The following SNX8 variants were observed in gnomAD, a reference collection of about 807,000 sequenced individuals.
The protein encoded by SNX8 is sorting nexin 8.
SNX8 carries 25 observed loss-of-function variants against 51.6 expected under a neutral mutation model. The ratio of observed to expected loss-of-function variants is 0.48; its 90% CI spans 0.35 to 0.68. The LOEUF (loss-of-function observed/expected upper bound fraction) is 0.68, where lower values mean the gene tolerates loss of function less well. Among genes scored for constraint, SNX8 ranks in the 30% least tolerant of loss-of-function variants. The pLI is 0.00. For synonymous variants in SNX8, 324 were observed against 277.0 expected (o/e 1.17, Z -1.68); for missense variants, 695 against 624.0 (o/e 1.11, Z -1.21).
rs1033940666 is a variant in SNX8 at position 2,335,754 on chromosome 7, G to C, written c.-66+18468C>G. On this transcript the variant is annotated intron_variant, in intron 1 of 5. Coordinates refer to the SNX8 transcript ENST00000435336. ...GGAGGCGGAGCTTGCGGTGAGCCGAGACCGCGGCACTGCACTCCAGCCTGG... is the reference window on the plus strand; with the variant it reads ...GGAGGCGGAGCTTGCGGTGAGCCGACACCGCGGCACTGCACTCCAGCCTGG... 2.2e-5 allele frequency among the ~76,000 whole-genome samples: 3 copies of C among 134,012 alleles called. No individual in the cohort carries two copies. The East Asian group carries it at 6.7e-4, about 30-fold the overall frequency. The allele number at this position is 134,012 out of a possible 152,430, so 87.9% of individuals were successfully genotyped here.
intron 1 of SNX8, among the ~76,000 whole-genome samples, chr7:2,298,008 C>A (rs967349739): frequency 1.3e-5 from 2 of 151,956 alleles, no homozygotes; most frequent in Admixed American, 1.3e-4. Context: ...TAACCAAAAA[C>A]CAGCCCTAAA....
chr7:2,338,147 G>A lies in SNX8; in HGVS notation c.-66+16075C>T, dbSNP rs187101475. Among the ~76,000 whole-genome samples the A allele has an allele frequency of 3.2e-3, 484 of 152,046 alleles. 2 individuals are homozygous for A. The highest frequency in any genetic ancestry group is 5.6e-3 in the Non-Finnish European group (378 of 67,988). On this transcript the variant is annotated intron_variant, in intron 1 of 5. Coordinates refer to the SNX8 transcript ENST00000435336. Reference sequence around the variant, plus strand: ...TTGAGACCAGTCTGGGCAATATGGCGAAACCCCATCTCTACTAAAAAATAC... The same window carrying A: ...TTGAGACCAGTCTGGGCAATATGGCAAAACCCCATCTCTACTAAAAAATAC...
At chr7:2,290,164 G>A (rs574842313) in intron 1 of SNX8, among the ~76,000 whole-genome samples, 1 of 152,090 alleles carries the variant, frequency 6.6e-6, no homozygotes, top group South Asian at 2.1e-4. Context: ...CGGCCCTCCA[G>A]CCTGGCGACA....
chr7:2,255,081 G>A lies in SNX8; in HGVS notation c.1373C>T (p.Pro458Leu), dbSNP rs754455290. The change falls in exon 11 of 11, where the codon CCG becomes CTG. Residue 458 changes from proline to leucine, a missense_variant. Physicochemically the swap from Pro to Leu is moderately conservative, Grantham distance 98. Coordinates refer to ENST00000222990, the MANE Select transcript of SNX8 (RefSeq NM_013321.4). The stretch of plus-strand genomic sequence containing the variant: ...CTAGTGAGGACACAGGCCGTCCTCC[G>A]GCGGGGAGCACGGTGGGGTCAGGGT... ...HSTLTPPCSP[P>L]EDGLCPH The A allele has an allele frequency of 1.6e-5, 26 of 1,576,938 alleles. No homozygotes were observed. The highest frequency in any genetic ancestry group is 1.7e-4 in the Middle Eastern group (1 of 6,000).
chr7:2,262,392 T>A (rs1298700792), intron 7 of SNX8, among the ~76,000 whole-genome samples: 2 of 152,160 alleles, frequency 1.3e-5, no homozygotes, highest in Non-Finnish European at 2.9e-5. Flanking sequence ...TCCAGTGTGA[T>A]AGTAAACACC....
intron 1 of SNX8, among the ~76,000 whole-genome samples, chr7:2,288,908 G>A (rs575520591): frequency 2.6e-5 from 4 of 152,138 alleles, no homozygotes; most frequent in African/African-American, 7.2e-5. Flanking sequence ...GCTAATTTTC[G>A]TTATTTTTTG....
intron 1 of SNX8, among the ~76,000 whole-genome samples, chr7:2,330,840 T>A (rs1369719621): frequency 6.6e-6 from 1 of 152,006 alleles, no homozygotes; most frequent in Non-Finnish European, 1.5e-5. Context: ...AAGAAAAGAA[T>A]GCATATGGAT....
intron 3 of SNX8, 114 bp downstream of exon 3, chr7:2,274,998 G>A (rs1481251710): frequency 3.8e-5 from 28 of 738,438 alleles, no homozygotes; most frequent in South Asian, 1.6e-4. Flanking sequence ...AGTTTCCCCC[G>A]CAGCCCTGCA....
intron 1 of SNX8, among the ~76,000 whole-genome samples, chr7:2,294,721 T>G (rs1414063625): frequency 6.6e-6 from 1 of 152,152 alleles, no homozygotes; most frequent in Non-Finnish European, 1.5e-5. Flanking sequence ...TTCACCCCTC[T>G]GCACTCCGAG....
chr7:2,321,664 T>C (rs1328352950), intron 1 of SNX8, among the ~76,000 whole-genome samples: 16 of 148,370 alleles, frequency 1.1e-4, no homozygotes, highest in Admixed American at 1.0e-3. Flanking sequence ...TCCGCCCTCC[T>C]CGGCCTCCCA....
At position 2,254,639 on chromosome 7, in the gene SNX8, G is replaced by A. The variant is rs1584658115; in HGVS notation, c.*417C>T. On this transcript the variant is annotated 3_prime_UTR_variant, in exon 11 of 11. Coordinates refer to ENST00000222990, the MANE Select transcript of SNX8 (RefSeq NM_013321.4). ...TGTCCGTGGTCAGTCCCATGCCTGG[G>A]CTGCAGGGCAGCCCTGCCCTCTCTC... is the stretch of plus-strand genomic sequence containing the variant. The A allele has an allele frequency of 2.5e-5, 5 of 200,844 alleles. No individual in the cohort carries two copies. In the South Asian group the frequency reaches 4.0e-4, roughly 16 times the overall value. 12.4% of individuals were successfully genotyped at this position (200,844 alleles called of 1,614,324 possible). A position where few individuals can be genotyped will look rare whatever the true frequency, so the allele number is the denominator to read the frequency against.
At chr7:2,345,326 G>A (rs909736158) in intron 1 of SNX8, among the ~76,000 whole-genome samples, 3 of 152,164 alleles carry the variant, frequency 2.0e-5, no homozygotes, top group African/African-American at 7.2e-5. Flanking sequence ...AGAAGGGTCT[G>A]TGGAGTGCAG....
chr7:2,317,643 G>C (rs183234849), upstream of SNX8, among the ~76,000 whole-genome samples: 12 of 152,094 alleles, frequency 7.9e-5, no homozygotes, highest in Admixed American at 7.9e-4. Flanking sequence ...CAAGAGCCCA[G>C]AACCATGTCA....
At chr7:2,318,094 G>T (rs1410422422), upstream of SNX8, among the ~76,000 whole-genome samples, 1 of 152,034 alleles carries the variant, frequency 6.6e-6, no homozygotes, top group Non-Finnish European at 1.5e-5. Flanking sequence ...TGCCCAGGCT[G>T]GACTGTAGCT....
rs536069865 is a variant in SNX8 at position 2,285,177 on chromosome 7, A to C, written c.95-6872T>G. On this transcript the variant is annotated intron_variant, in intron 1 of 10. Coordinates refer to ENST00000222990, the MANE Select transcript of SNX8 (RefSeq NM_013321.4). ...CAGTGAGCCGAGATGGCGCCACTGC[A>C]CTCCAGCCTGGGTGACAGAGCAAGA... 1.5e-4 allele frequency among the ~76,000 whole-genome samples: 21 copies of C among 143,110 alleles called. No homozygotes were observed. In the South Asian group the frequency reaches 4.4e-3, roughly 30 times the overall value. The allele number at this position is 143,110 out of a possible 152,430, so 93.9% of individuals were successfully genotyped here.
chr7:2,350,251 A>G (rs1379140847), intron 1 of SNX8, among the ~76,000 whole-genome samples: 1 of 152,194 alleles, frequency 6.6e-6, no homozygotes, highest in African/African-American at 2.4e-5. Flanking sequence ...TGAGGCCTAG[A>G]GACGTTGAGG....
At chr7:2,270,561 T>C (rs975606298) in intron 4 of SNX8, among the ~76,000 whole-genome samples, 1 of 151,988 alleles carries the variant, frequency 6.6e-6, no homozygotes, top group African/African-American at 2.4e-5. Flanking sequence ...AACAGGGATA[T>C]TGCCCACCTG....
At chr7:2,259,408 G>A (rs1584666534) in intron 7 of SNX8, among the ~76,000 whole-genome samples, 2 of 152,226 alleles carry the variant, frequency 1.3e-5, no homozygotes, top group African/African-American at 2.4e-5. Flanking sequence ...GGCTCCACCC[G>A]TGGTAGGGGG....
At chr7:2,273,512 G>T (rs1795698520) in intron 3 of SNX8, among the ~76,000 whole-genome samples, 1 of 151,208 alleles carries the variant, frequency 6.6e-6, no homozygotes, top group Admixed American at 6.6e-5. Context: ...CGTGAACCCG[G>T]CAGGCGGAGC....
Sources: allele counts gnomAD v4.1 joint callset (sites outside exome capture counted in the v4.1 genomes callset), GRCh38; gene constraint gnomAD v4.1.1; transcripts MANE v1.5; gene names NCBI Gene and HGNC (gene_info 2026-07-23, HGNC 2026-07-21).